Variants in PACS2 observed in about 807,000 individuals in gnomAD.
PACS2 encodes the protein phosphofurin acidic cluster sorting protein 2.
A neutral mutation model predicts 113.0 loss-of-function variants in PACS2; 36 were observed. That is an observed-to-expected ratio of 0.32 (90% confidence interval 0.24 to 0.42). PACS2 has a LOEUF of 0.42. PACS2 is among the 10% of genes least tolerant of loss of function. PACS2 has a pLI of 1.00. For synonymous variants in PACS2, 589 were observed against 536.1 expected (o/e 1.10, Z -1.36); for missense variants, 1,015 against 1,239.5 (o/e 0.82, Z 2.72).
At chr14:105,327,166 G>A (rs1178079754) in intron 1 of PACS2, among the ~76,000 whole-genome samples, 3 of 152,254 alleles carry the variant, frequency 2.0e-5, no homozygotes, top group African/African-American at 7.2e-5. Context: ...ACAGGGCCAA[G>A]GGGTATCTCA....
intron 1 of PACS2, among the ~76,000 whole-genome samples, chr14:105,347,450 CCTGA>C (rs1490581374): frequency 2.6e-5 from 4 of 152,150 alleles, no homozygotes; most frequent in Non-Finnish European, 4.4e-5. Context: ...CGTTCCATGG[CCTGA>C]CTGTGTCTGG....
intron 1 of PACS2, among the ~76,000 whole-genome samples, chr14:105,302,328 C>T (rs185471390): frequency 1.2e-4 from 18 of 151,684 alleles, no homozygotes; most frequent in African/African-American, 3.1e-4. Context: ...CTCAGCCTCC[C>T]GAGTAGCTGG....
intron 17 of PACS2, among the ~76,000 whole-genome samples, 194 bp downstream of exon 17, chr14:105,384,657 G>A (rs1595163446): frequency 6.6e-6 from 1 of 152,214 alleles, no homozygotes; most frequent in African/African-American, 2.4e-5. Flanking sequence ...AAGCTGTGGG[G>A]CCTGTCTGGG....
chr14:105,327,010 C>T (rs1279428865), intron 1 of PACS2, among the ~76,000 whole-genome samples: 1 of 152,212 alleles, frequency 6.6e-6, no homozygotes, highest in African/African-American at 2.4e-5. Context: ...CCCGAATCGA[C>T]GCACTCTTGG....
chr14:105,391,512 T>TCCCC, intron 21 of PACS2, 119 bp from the exon 22 acceptor site: 1 of 611,330 alleles, frequency 1.6e-6, no homozygotes, highest in Non-Finnish European at 2.9e-6. Flanking sequence ...CACTGGGGAC[T>TCCCC]CCCACCCTGC....
Position 105,321,242 on chromosome 14 carries a change from C to T in PACS2, c.119+6205C>T, listed in dbSNP as rs587738265. ...TGCAGTGTTTGTCTATTAGATCAAG[C>T]TTGGTTTACTGTGGTCTTCAAGTCC... On this transcript the variant is annotated intron_variant, in intron 1 of 24. Coordinates refer to ENST00000447393, the MANE Select transcript of PACS2 (RefSeq NM_001100913.3). Among the ~76,000 whole-genome samples, 43 of 152,308 alleles carry T rather than the reference C, an allele frequency of 2.8e-4. 1 individual carries two copies. The South Asian group carries it at 8.5e-3, about 30-fold the overall frequency.
rs2140956668 is a variant in PACS2, at chr14:105,340,023, CCTG to C, written c.120-8468_120-8466del. Among the ~76,000 whole-genome samples, 1 of 152,370 alleles carries C rather than the reference CCTG, an allele frequency of 6.6e-6. No homozygotes were observed. The highest frequency in any genetic ancestry group is 2.1e-4 in the South Asian group (1 of 4,828). On this transcript the variant is annotated intron_variant, in intron 1 of 24. Coordinates refer to ENST00000447393, the MANE Select transcript of PACS2 (RefSeq NM_001100913.3). This position sits in a 1 kb window ranked among gnomAD's most constrained non-coding sequence, Gnocchi z 4.2. Reference sequence around the variant, plus strand: ...TGAGCTCCTGGGCTCAGGTGATCCACCTGCCTTGGCCTCCCAAAGGGCTGCGAT... The same window carrying C: ...TGAGCTCCTGGGCTCAGGTGATCCACCCTTGGCCTCCCAAAGGGCTGCGAT...
chr14:105,395,012 A>C lies in PACS2; in HGVS notation c.*340A>C. 8.0e-6 allele frequency: 2 copies of C among 248,780 alleles called. No individual in the cohort carries two copies. The highest frequency in any genetic ancestry group is 8.0e-6 in the Non-Finnish European group (1 of 125,578). The allele number at this position is 248,780 out of a possible 1,614,324, so 15.4% of individuals were successfully genotyped here. A position where few individuals can be genotyped will look rare whatever the true frequency, so the allele number is the denominator to read the frequency against. ...TGTCCTGTCCTTCCTGGAAGTCAGGACTCTGCTTCCTCAGGGAGCCCGGGG... is the reference window on the plus strand; with the variant it reads ...TGTCCTGTCCTTCCTGGAAGTCAGGCCTCTGCTTCCTCAGGGAGCCCGGGG... On this transcript the variant is annotated 3_prime_UTR_variant, in exon 25 of 25. Coordinates refer to ENST00000447393, the MANE Select transcript of PACS2 (RefSeq NM_001100913.3).
chr14:105,338,591 T>C (rs1595615172), intron 1 of PACS2, among the ~76,000 whole-genome samples: 1 of 152,128 alleles, frequency 6.6e-6, no homozygotes, highest in East Asian at 1.9e-4. Flanking sequence ...AGAGTGACCC[T>C]GGAGGGAGGT....
intron 1 of PACS2, among the ~76,000 whole-genome samples, chr14:105,325,177 G>A (rs1021784880): frequency 1.3e-5 from 2 of 151,492 alleles, no homozygotes; most frequent in African/African-American, 2.4e-5. Context: ...GACGGGGGGG[G>A]GCTCGGACAC....
chr14:105,365,500 G>C lies in PACS2; in HGVS notation c.424-1713G>C, dbSNP rs149897815. On this transcript the variant is annotated intron_variant, in intron 4 of 24. Coordinates refer to ENST00000447393, the MANE Select transcript of PACS2 (RefSeq NM_001100913.3). The surrounding 1 kb of genome is among the most constrained non-coding windows in gnomAD (Gnocchi z 5.1). ...CACTACAGCCAGCTCCAGGGATCCCGGCAAAAGCATCTTTGATAAGAGGCC... is the reference window on the plus strand; with the variant it reads ...CACTACAGCCAGCTCCAGGGATCCCCGCAAAAGCATCTTTGATAAGAGGCC... Among the ~76,000 whole-genome samples the C allele has an allele frequency of 8.1e-4, 124 of 152,246 alleles. 1 individual carries two copies. In the Middle Eastern group the frequency reaches 0.01, roughly 13 times the overall value.
At chr14:105,351,585 C>T (rs1381335866) in intron 2 of PACS2, among the ~76,000 whole-genome samples, 6 of 152,206 alleles carry the variant, frequency 3.9e-5, no homozygotes, top group African/African-American at 1.4e-4. Flanking sequence ...CATGCCTAAT[C>T]CCAGCACTGT....
intron 1 of PACS2, among the ~76,000 whole-genome samples, chr14:105,347,488 C>T (rs1284978686): frequency 1.3e-5 from 2 of 152,168 alleles, no homozygotes; most frequent in African/African-American, 4.8e-5. Flanking sequence ...GTTTTACATT[C>T]ATACTTTGAG....
chr14:105,384,016 T>C, intron 16 of PACS2: 1 of 343,646 alleles, frequency 2.9e-6, no homozygotes, highest in South Asian at 3.5e-5. Context: ...CAGCAAGGCC[T>C]GGAGGCGACA....
rs2059022022 is a variant in PACS2 at position 105,324,536 on chromosome 14, C to T, written c.119+9499C>T. On this transcript the variant is annotated intron_variant, in intron 1 of 24. Coordinates refer to ENST00000447393, the MANE Select transcript of PACS2 (RefSeq NM_001100913.3). This position sits in a 1 kb window ranked among gnomAD's most constrained non-coding sequence, Gnocchi z 4.7. ...GCTCAGCAGCTGCTCTGAGAGGCAG[C>T]CCTAAAAATAGCCGAGCGCTGAGAG... Among the ~76,000 whole-genome samples the T allele has an allele frequency of 6.6e-6, 1 of 152,110 alleles. No individual in the cohort carries two copies. Among genetic ancestry groups the T allele is most frequent in the Non-Finnish European group, 1.5e-5 (1 of 68,002 alleles).
intron 7 of PACS2, among the ~76,000 whole-genome samples, chr14:105,368,788 G>T (rs587770602): frequency 8.5e-5 from 13 of 152,362 alleles, no homozygotes; most frequent in African/African-American, 2.9e-4. Flanking sequence ...AAGGCTGGGA[G>T]GCTGCCTCGC....
chr14:105,382,044 C>T lies in PACS2; in HGVS notation c.1399C>T (p.Gln467Ter). ...CTGCCCGGACGCCCGGAGCCAGCTA[C>T]AGGTGCAGCTGCAGGTGGGGGTGGA... ...ERCPDARSQL[Q>*]VQLQIPRKTV... is the part of the protein sequence containing the mutation. Residue 467 changes from glutamine (Q) to a stop codon, truncating the protein, a stop_gained, in exon 13 of 25, where the codon CAG (glutamine) becomes TAG (stop). Coordinates refer to ENST00000447393, the MANE Select transcript of PACS2 (RefSeq NM_001100913.3). LOFTEE classifies it high-confidence loss of function. 1 of 1,546,986 alleles carries T rather than the reference C, an allele frequency of 6.5e-7. No homozygotes were observed. Among genetic ancestry groups the T allele is most frequent in the Non-Finnish European group, 8.7e-7 (1 of 1,146,886 alleles).
rs2061262743 is a variant in PACS2 at position 105,374,231 on chromosome 14, A to C, written c.802-2537A>C. Among the ~76,000 whole-genome samples, 3 of 152,116 alleles carry C rather than the reference A, an allele frequency of 2.0e-5. No homozygotes were observed. In the South Asian group the frequency reaches 6.2e-4, roughly 32 times the overall value. ...AAGATTATAAAGCTCTTAGAAGAAA[A>C]TGGGCCAATCTTATGACCTTGGGTT... On this transcript the variant is annotated intron_variant, in intron 8 of 24. Transcript: ENST00000447393.
At chr14:105,302,680 G>T (rs188720682) in intron 1 of PACS2, among the ~76,000 whole-genome samples, 1 of 151,864 alleles carries the variant, frequency 6.6e-6, no homozygotes, top group Admixed American at 6.6e-5. Flanking sequence ...CTACCTCCTG[G>T]GCTCAGGTGA....
Sources: gnomAD v4.1 joint callset for allele counts (sites outside exome capture counted in the v4.1 genomes callset) on GRCh38, gnomAD v4.1.1 for gene constraint, Gnocchi (gnomAD v3.1) non-coding constraint, MANE v1.5 for transcripts, NCBI Gene and HGNC (gene_info 2026-07-23, HGNC 2026-07-21) for gene names.